Variants in PTPRD observed in about 807,000 individuals in gnomAD.
PTPRD encodes the protein receptor-type tyrosine-protein phosphatase delta.
In PTPRD, 34 loss-of-function variants were observed where a neutral mutation model predicts 214.5. The ratio of observed to expected loss-of-function variants is 0.16; its 90% CI spans 0.12 to 0.21. PTPRD has a LOEUF of 0.21. PTPRD is among the 10% of genes least tolerant of loss of function. PTPRD has a pLI of 1.00. For missense variants in PTPRD, 2,545 were observed against 2,398.7 expected (o/e 1.06, Z -1.27); for synonymous variants, 1,128 against 845.7 (o/e 1.33, Z -5.79).
chr9:9,346,145 G>T (rs1001051247), intron 9 of PTPRD, among the ~76,000 whole-genome samples: 5 of 152,098 alleles, frequency 3.3e-5, no homozygotes, highest in African/African-American at 1.2e-4. Flanking sequence ...AATATTAAGT[G>T]CAGAATATAT....
Position 8,849,448 on chromosome 9 carries a change from G to A in PTPRD, c.-103-115502C>T, listed in dbSNP as rs572359397. On this transcript the variant is annotated intron_variant, in intron 11 of 45. Transcript: ENST00000381196. ...TCACCATGTTAGCCAGAATGGTCTCGATCTCCTGACCTCGTGATCCACCGG... is the reference window on the plus strand; with the variant it reads ...TCACCATGTTAGCCAGAATGGTCTCAATCTCCTGACCTCGTGATCCACCGG... Among the ~76,000 whole-genome samples, 34 of 152,148 alleles carry A rather than the reference G, an allele frequency of 2.2e-4. No homozygotes were observed. In the South Asian group the frequency reaches 3.7e-3, roughly 17 times the overall value.
chr9:8,986,273 C>T (rs937745288), intron 11 of PTPRD, among the ~76,000 whole-genome samples: 4 of 151,992 alleles, frequency 2.6e-5, no homozygotes, highest in Admixed American at 2.6e-4. Context: ...CATATCCACA[C>T]TTTGACTTCA....
At chr9:10,211,524 TG>T (rs1257928717) in intron 3 of PTPRD, among the ~76,000 whole-genome samples, 1 of 152,136 alleles carries the variant, frequency 6.6e-6, no homozygotes, top group Non-Finnish European at 1.5e-5. Flanking sequence ...ATGTACTGAA[TG>T]GTAAATGCCC....
intron 9 of PTPRD, among the ~76,000 whole-genome samples, chr9:9,329,354 A>G (rs1201624869): frequency 3.3e-5 from 5 of 152,194 alleles, no homozygotes; most frequent in Admixed American, 3.3e-4. Flanking sequence ...TCATCTTTTC[A>G]TAACTAAGAG....
At chr9:10,549,975 C>T (rs893802913) in intron 2 of PTPRD, among the ~76,000 whole-genome samples, 3 of 152,210 alleles carry the variant, frequency 2.0e-5, no homozygotes, top group Admixed American at 1.3e-4. Flanking sequence ...GTGCCTTGAA[C>T]GTTTCCAAGT....
At chr9:9,246,221 A>T (rs2099973008) in intron 9 of PTPRD, among the ~76,000 whole-genome samples, 1 of 152,160 alleles carries the variant, frequency 6.6e-6, no homozygotes, top group Middle Eastern at 3.4e-3. Context: ...TCTGGGCTGG[A>T]TCCTGAATGT....
intron 7 of PTPRD, among the ~76,000 whole-genome samples, chr9:9,688,565 T>C (rs1298720322): frequency 6.6e-6 from 1 of 151,812 alleles, no homozygotes; most frequent in Non-Finnish European, 1.5e-5. Context: ...GAACCCTGCA[T>C]ACAGATAAAG....
At chr9:9,103,398 G>A (rs769024711) in intron 10 of PTPRD, among the ~76,000 whole-genome samples, 14 of 151,852 alleles carry the variant, frequency 9.2e-5, no homozygotes, top group Non-Finnish European at 1.5e-4. Context: ...ATCTCTGCTT[G>A]AGTTAGCATG....
At chr9:9,126,914 C>T (rs912868772) in intron 10 of PTPRD, among the ~76,000 whole-genome samples, 2 of 152,120 alleles carry the variant, frequency 1.3e-5, no homozygotes, top group African/African-American at 4.8e-5. Context: ...GTGGCTGGAG[C>T]CCATCCTAGC....
At chr9:8,442,850 T>G (rs1045311609) in intron 34 of PTPRD, among the ~76,000 whole-genome samples, 10 of 152,172 alleles carry the variant, frequency 6.6e-5, no homozygotes, top group Non-Finnish European at 1.5e-5. Flanking sequence ...GGATCATCAT[T>G]AAATGAAAGA....
At chr9:9,639,183 C>T (rs59126433) in intron 7 of PTPRD, among the ~76,000 whole-genome samples, 21,738 of 152,082 alleles carry the variant, frequency 0.14, 2,078 homozygotes, top group African/African-American at 0.27. Flanking sequence ...CAACAGCAGC[C>T]TAACTTATTG....
At chr9:8,627,744 C>T (rs561935821) in intron 14 of PTPRD, among the ~76,000 whole-genome samples, 1 of 151,954 alleles carries the variant, frequency 6.6e-6, no homozygotes, top group Admixed American at 6.6e-5. Context: ...CCCAGATTTT[C>T]AGTTTTAATG....
At chr9:9,330,596 T>G (rs1028555807) in intron 9 of PTPRD, among the ~76,000 whole-genome samples, 1 of 152,072 alleles carries the variant, frequency 6.6e-6, no homozygotes, top group Admixed American at 6.6e-5. Context: ...TAATCTTTAA[T>G]TGTATAAATG....
At chr9:8,669,653 C>A (rs913834351) in intron 12 of PTPRD, among the ~76,000 whole-genome samples, 1 of 152,096 alleles carries the variant, frequency 6.6e-6, no homozygotes, top group African/African-American at 2.4e-5. Context: ...GAGACAAGGA[C>A]CTTTTAGGAT....
chr9:10,530,987 T>C (rs1258300040), intron 2 of PTPRD, among the ~76,000 whole-genome samples: 3 of 152,024 alleles, frequency 2.0e-5, no homozygotes, highest in Non-Finnish European at 4.4e-5. Context: ...TCTTGCTCTG[T>C]CAGCCAGGCT....
intron 3 of PTPRD, among the ~76,000 whole-genome samples, chr9:10,159,791 T>A (rs1395912480): frequency 6.6e-6 from 1 of 151,734 alleles, no homozygotes; most frequent in East Asian, 1.9e-4. Flanking sequence ...GAAGAATGGC[T>A]ATTTGAAAAT....
intron 9 of PTPRD, among the ~76,000 whole-genome samples, chr9:9,236,340 G>A (rs542450354): frequency 2.6e-5 from 4 of 152,128 alleles, no homozygotes; most frequent in African/African-American, 4.8e-5. Context: ...ATACCTATGG[G>A]AAAATCAAAT....
intron 11 of PTPRD, among the ~76,000 whole-genome samples, chr9:8,911,670 G>A (rs1281690299): frequency 6.6e-6 from 1 of 151,922 alleles, no homozygotes; most frequent in African/African-American, 2.4e-5. Flanking sequence ...AAAAGCAATA[G>A]GTGAACTTGA....
intron 2 of PTPRD, among the ~76,000 whole-genome samples, chr9:10,569,362 A>G (rs1376571707): frequency 1.3e-5 from 2 of 152,066 alleles, no homozygotes; most frequent in Non-Finnish European, 2.9e-5. Flanking sequence ...CTACACCAGT[A>G]TTCCCGGTTA....
Sources: gnomAD v4.1 joint callset for allele counts (sites outside exome capture counted in the v4.1 genomes callset) on GRCh38, gnomAD v4.1.1 for gene constraint, MANE v1.5 for transcripts, NCBI Gene and HGNC (gene_info 2026-07-23, HGNC 2026-07-21) for gene names.